The following ZAN variants were observed in gnomAD, a reference collection of about 807,000 sequenced individuals.
ZAN encodes the protein zonadhesin, also known as zonadhesin (gene/pseudogene).
A neutral mutation model predicts 286.2 loss-of-function variants in ZAN; 260 were observed. The observed-to-expected ratio is 0.91, with a 90% confidence interval of 0.82 to 1.01. The LOEUF is 1.01. Among genes scored for constraint, ZAN ranks in the 50% least tolerant of loss-of-function variants. ZAN has a pLI of 0.00. For synonymous variants in ZAN, 1,368 were observed against 1,417.5 expected (o/e 0.97, Z 0.79); for missense variants, 3,410 against 3,639.2 (o/e 0.94, Z 1.62).
intron 19 of ZAN, among the ~76,000 whole-genome samples, chr7:100,761,911 C>T (rs1420176547): frequency 6.6e-6 from 1 of 151,248 alleles, no homozygotes; most frequent in African/African-American, 2.4e-5. Flanking sequence ...TGCCCTCTAG[C>T]CTAGGTGACG....
intron 7 of ZAN, among the ~76,000 whole-genome samples, chr7:100,746,178 A>G (rs892043424): frequency 6.6e-6 from 1 of 152,098 alleles, no homozygotes; most frequent in African/African-American, 2.4e-5. Flanking sequence ...GCAGTGAACC[A>G]TGAGAGCCAT....
chr7:100,784,831 C>G lies in ZAN; in HGVS notation c.6831C>G (p.Ile2277Met). The stretch of plus-strand genomic sequence containing the variant: ...GCAAGGATGCCCATGGTGGCTCCAT[C>G]CCTGTGAGTGGGCATGGGAAATGGG... ...CGCKDAHGGSIPLGKSWVSSG... is the reference protein window; with the variant it reads ...CGCKDAHGGSMPLGKSWVSSG... The change falls in exon 36 of 48, where the codon ATC (isoleucine) becomes ATG (methionine). Residue 2277 changes from isoleucine (I) to methionine (M), a missense_variant. Physicochemically the swap from Ile to Met is conservative, Grantham distance 10. Coordinates refer to ENST00000613979, the MANE Select transcript of ZAN (RefSeq NM_003386.3). The G allele has an allele frequency of 6.3e-7, 1 of 1,591,136 alleles. No individual in the cohort carries two copies. The highest frequency in any genetic ancestry group is 8.6e-7 in the Non-Finnish European group (1 of 1,166,090).
intron 25 of ZAN, among the ~76,000 whole-genome samples, chr7:100,767,510 C>T (rs941461128): frequency 1.2e-4 from 15 of 120,990 alleles, no homozygotes; most frequent in Non-Finnish European, 2.1e-4. Context: ...GGGTCTTGCT[C>T]TATCACCCAG....
chr7:100,794,381 CTTTG>C, intron 44 of ZAN, 123 bp downstream of exon 44: 2 of 1,452,640 alleles, frequency 1.4e-6, no homozygotes, highest in Non-Finnish European at 9.2e-7. Context: ...CTGTCCCTGC[CTTTG>C]TAGGGAGGGA....
chr7:100,747,833 A>C (rs1808336920), intron 9 of ZAN, among the ~76,000 whole-genome samples, 192 bp downstream of exon 9: 1 of 151,938 alleles, frequency 6.6e-6, no homozygotes, highest in African/African-American at 2.4e-5. Flanking sequence ...TCTACAAAAA[A>C]ATACAAAAAT....
chr7:100,761,894 G>T (rs1197914210), intron 19 of ZAN, among the ~76,000 whole-genome samples: 1 of 151,802 alleles, frequency 6.6e-6, no homozygotes, highest in Non-Finnish European at 1.5e-5. Context: ...AGCCGAGGTT[G>T]CACCACTGCC....
chr7:100,776,569 T>TG lies in ZAN; in HGVS notation c.6317+7dup. ...AGATAAGGACATTGACCCAAGGTAG[T>TG]GGTCCCCTAAGACCCTCTAGGTTTT... On this transcript the variant is annotated splice_donor_region_variant and intron_variant, in intron 34 of 47. Coordinates refer to ENST00000613979, the MANE Select transcript of ZAN (RefSeq NM_003386.3). The TG allele has an allele frequency of 1.3e-6, 2 of 1,551,636 alleles. No individual in the cohort carries two copies. Among genetic ancestry groups the TG allele is most frequent in the Non-Finnish European group, 8.7e-7 (1 of 1,146,800 alleles).
chr7:100,748,957 G>T (rs1163865506), intron 11 of ZAN, among the ~76,000 whole-genome samples: 1 of 152,062 alleles, frequency 6.6e-6, no homozygotes, highest in Non-Finnish European at 1.5e-5. Flanking sequence ...GATCGCTTCA[G>T]CTCAGAAGTC....
At chr7:100,746,747 C>T (rs1223663808) in intron 8 of ZAN, 45 bp downstream of exon 8, 2 of 1,599,904 alleles carry the variant, frequency 1.3e-6, no homozygotes, top group East Asian at 4.5e-5. Flanking sequence ...CTGGGCGCAT[C>T]TCCCAGGGTT....
intron 28 of ZAN, among the ~76,000 whole-genome samples, chr7:100,770,683 C>T (rs978587733): frequency 6.6e-6 from 1 of 151,396 alleles, no homozygotes; most frequent in Non-Finnish European, 1.5e-5. Flanking sequence ...GAGACAAGGT[C>T]TCACTCTGTT....
At position 100,775,427 on chromosome 7, in the gene ZAN, T is replaced by G. The variant is rs191127696; in HGVS notation, c.5879T>G (p.Val1960Gly). The change falls in exon 32 of 48, where the codon GTG (valine) becomes GGG (glycine). Residue 1960 changes from valine (V) to glycine (G), a missense_variant. By Grantham distance (109) the Val-to-Gly change is moderately radical. Coordinates refer to ENST00000613979, the MANE Select transcript of ZAN (RefSeq NM_003386.3). Reference protein sequence around the residue: ...PDACTLVLVKVCHPAMALPFF... With the variant: ...PDACTLVLVKGCHPAMALPFF... ...GCCTGCACTCTTGTCCTGGTGAAAG[T>G]GTGCCACCCCGCCATGGCCTTGCCC... 1.9e-6 allele frequency: 3 copies of G among 1,613,970 alleles called. No individual in the cohort carries two copies. The Admixed American group carries it at 5.0e-5, about 27-fold the overall frequency.
chr7:100,757,669 C>T (rs1809237248), intron 15 of ZAN, among the ~76,000 whole-genome samples: 3 of 150,488 alleles, frequency 2.0e-5, no homozygotes, highest in South Asian at 2.1e-4. Context: ...GCAGGAGAAT[C>T]GCTTGAACGC....
rs749062113 is a variant in ZAN, at chr7:100,737,294, C to T, written c.558C>T (p.Ala186=). The stretch of plus-strand genomic sequence containing the variant: ...TTGAGGGAACACGGGGTAGCACTGC[C>T]TACCTGGACATCGCCCTGGATGCCC... ...LMFEGTRGST[A]YLDIALDALS... is the part of the protein sequence containing the mutation. Residue 186 remains alanine, a synonymous_variant, in exon 6 of 48, where the codon GCC becomes GCT. Coordinates refer to ENST00000613979, the MANE Select transcript of ZAN (RefSeq NM_003386.3). 23 of 1,490,912 alleles carry T rather than the reference C, an allele frequency of 1.5e-5. 2 individuals carry two copies. The highest frequency in any genetic ancestry group is 3.5e-5 in the South Asian group (3 of 85,060). 92.4% of individuals were successfully genotyped at this position (1,490,912 alleles called of 1,614,324 possible). A position where few individuals can be genotyped will look rare whatever the true frequency, so the allele number is the denominator to read the frequency against.
Position 100,763,796 on chromosome 7 carries a change from T to G in ZAN, c.3987-10T>G. 6.2e-7 allele frequency: 1 copy of G among 1,613,410 alleles called. No individual in the cohort carries two copies. Among genetic ancestry groups the G allele is most frequent in the Non-Finnish European group, 8.5e-7 (1 of 1,179,446 alleles). On this transcript the variant is annotated splice_polypyrimidine_tract_variant and intron_variant, in intron 20 of 47. Transcript: ENST00000613979. The surrounding 1 kb of genome is among the most constrained non-coding windows in gnomAD (Gnocchi z 4.6). Reference sequence around the variant, plus strand: ...TTGTCTTTAGGGAGTTTGGGGTGGGTCTCTTGCAGGTGTCAGAAGTACCAG... The same window carrying G: ...TTGTCTTTAGGGAGTTTGGGGTGGGGCTCTTGCAGGTGTCAGAAGTACCAG...
At chr7:100,794,311 A>T in intron 44 of ZAN, 53 bp downstream of exon 44, 1 of 1,541,140 alleles carries the variant, frequency 6.5e-7, no homozygotes, top group Admixed American at 2.0e-5. Context: ...TGGGGCGTCC[A>T]TGGACCAAGG....
At chr7:100,773,599 G>T (rs533198613) in intron 30 of ZAN, 106 bp downstream of exon 30, 336 of 1,545,850 alleles carry the variant, frequency 2.2e-4, no homozygotes, top group Non-Finnish European at 2.8e-4. Flanking sequence ...GGGAGGGGCA[G>T]GGCTGGCCAA....
intron 25 of ZAN, 68 bp from the exon 26 acceptor site, chr7:100,767,763 C>G: frequency 1.3e-6 from 2 of 1,528,288 alleles, no homozygotes; most frequent in South Asian, 1.3e-5. Flanking sequence ...CAGGCATGAG[C>G]CCCCGTCCTT....
chr7:100,796,562 G>C lies in ZAN; in HGVS notation c.8267-804G>C, dbSNP rs529807182. Among the ~76,000 whole-genome samples, 81 of 151,892 alleles carry C rather than the reference G, an allele frequency of 5.3e-4. No homozygotes were observed. The South Asian group carries it at 7.1e-3, about 13-fold the overall frequency. ...CTCCTGAGTAGCTGGGATTACAGGC[G>C]CCGGCCACCACGCCCGGCTATTTTT... On this transcript the variant is annotated intron_variant, in intron 45 of 47. Coordinates refer to ENST00000613979, the MANE Select transcript of ZAN (RefSeq NM_003386.3).
intron 8 of ZAN, 91 bp downstream of exon 8, chr7:100,746,793 C>G: frequency 7.0e-7 from 1 of 1,434,600 alleles, no homozygotes; most frequent in South Asian, 1.3e-5. Flanking sequence ...CCCTCAGGGT[C>G]TAGGGAGGTC....
Sources: allele counts gnomAD v4.1 joint callset (sites outside exome capture counted in the v4.1 genomes callset), GRCh38; gene constraint gnomAD v4.1.1; non-coding constraint Gnocchi (gnomAD v3.1); transcripts MANE v1.5; gene names NCBI Gene and HGNC (gene_info 2026-07-23, HGNC 2026-07-21).